The following WWOX variants were observed in gnomAD, a reference collection of about 807,000 sequenced individuals.
The protein encoded by WWOX is WW domain containing oxidoreductase.
WWOX carries 69 observed loss-of-function variants against 46.2 expected under a neutral mutation model. The ratio of observed to expected loss-of-function variants is 1.49; its 90% CI spans 1.23 to 1.82. The LOEUF (loss-of-function observed/expected upper bound fraction) is 1.82, where lower values mean the gene tolerates loss of function less well. Ranked by LOEUF, WWOX falls within the 40% of genes most tolerant of loss-of-function variation. WWOX has a pLI of 0.00. For synonymous variants in WWOX, 359 were observed against 202.6 expected (o/e 1.77, Z -6.56); for missense variants, 919 against 542.6 (o/e 1.69, Z -6.89).
At chr16:78,790,531 A>G (rs555384870) in intron 8 of WWOX, among the ~76,000 whole-genome samples, 1 of 152,310 alleles carries the variant, frequency 6.6e-6, no homozygotes, top group Non-Finnish European at 1.5e-5. Context: ...GCCAAAAGAG[A>G]CCAGTATCTA....
At chr16:79,140,577 T>C (rs140451647) in intron 8 of WWOX, among the ~76,000 whole-genome samples, 11 of 152,314 alleles carry the variant, frequency 7.2e-5, no homozygotes, top group Non-Finnish European at 1.6e-4. Flanking sequence ...TCTCTCAGCA[T>C]TGACCGCATG....
At chr16:78,418,714 A>G (rs922771797) in intron 6 of WWOX, among the ~76,000 whole-genome samples, 3 of 152,198 alleles carry the variant, frequency 2.0e-5, no homozygotes, top group Non-Finnish European at 4.4e-5. Flanking sequence ...CAATACATAC[A>G]TAAAAACATG....
At chr16:78,684,545 C>T (rs554927669) in intron 8 of WWOX, among the ~76,000 whole-genome samples, 9 of 152,234 alleles carry the variant, frequency 5.9e-5, no homozygotes, top group South Asian at 2.1e-4. Context: ...CAAGCATGCC[C>T]GCTGGCTCAG....
intron 8 of WWOX, among the ~76,000 whole-genome samples, chr16:78,845,259 C>G (rs868022213): frequency 1.3e-5 from 2 of 150,408 alleles, no homozygotes; most frequent in African/African-American, 4.9e-5. Context: ...CAAAATGAAA[C>G]TTAAGACTAC....
chr16:78,943,470 T>G (rs575188026), intron 8 of WWOX, among the ~76,000 whole-genome samples: 35 of 152,270 alleles, frequency 2.3e-4, no homozygotes, highest in African/African-American at 7.7e-4. Context: ...CCCAGGCACA[T>G]AAACTTGCAG....
intron 8 of WWOX, among the ~76,000 whole-genome samples, chr16:79,039,899 G>A (rs376300991): frequency 1.3e-5 from 2 of 152,146 alleles, no homozygotes; most frequent in African/African-American, 2.4e-5. Flanking sequence ...GGACTGATAC[G>A]CTGGGCTCCA....
At position 78,264,045 on chromosome 16, in the gene WWOX, A is replaced by G. The variant is rs1375611574; in HGVS notation, c.516+99756A>G. On this transcript the variant is annotated intron_variant, in intron 5 of 8. Coordinates refer to ENST00000566780, the MANE Select transcript of WWOX (RefSeq NM_016373.4). ...TTTTGCTGTGGAGCGCAAAATGTTC[A>G]TTTATCTCTGGATGGTTTGTTTCTG... is the stretch of plus-strand genomic sequence containing the variant. 4.8e-5 allele frequency among the ~76,000 whole-genome samples: 5 copies of G among 104,592 alleles called. No homozygotes were observed. The East Asian group carries it at 1.5e-3, about 32-fold the overall frequency. The allele number at this position is 104,592 out of a possible 152,430, so 68.6% of individuals were successfully genotyped here.
chr16:78,770,003 C>G (rs1180883374), intron 8 of WWOX, among the ~76,000 whole-genome samples: 3 of 151,906 alleles, frequency 2.0e-5, no homozygotes, highest in South Asian at 2.1e-4. Flanking sequence ...ATGATCTCAC[C>G]TCTGTACTAC....
At chr16:78,829,197 C>A (rs2051745544) in intron 8 of WWOX, among the ~76,000 whole-genome samples, 1 of 152,238 alleles carries the variant, frequency 6.6e-6, no homozygotes, top group South Asian at 2.1e-4. Flanking sequence ...TTTTTAGGAA[C>A]TGGCGAATTG....
intron 8 of WWOX, among the ~76,000 whole-genome samples, chr16:78,602,036 T>C (rs1224901793): frequency 6.6e-6 from 1 of 152,232 alleles, no homozygotes; most frequent in East Asian, 1.9e-4. Context: ...TGAAATATCT[T>C]ATTAAAATGC....
At chr16:78,997,607 CAAGAAA>C (rs1429758594) in intron 8 of WWOX, among the ~76,000 whole-genome samples, 1 of 152,126 alleles carries the variant, frequency 6.6e-6, no homozygotes, top group Non-Finnish European at 1.5e-5. Context: ...CTGATCATGC[CAAGAAA>C]CCTAATGTAT....
intron 5 of WWOX, among the ~76,000 whole-genome samples, chr16:78,284,104 G>A (rs1262111038): frequency 1.3e-5 from 2 of 152,176 alleles, no homozygotes; most frequent in African/African-American, 2.4e-5. Flanking sequence ...TGTAGGAGGG[G>A]TTTAGAGATC....
chr16:78,745,955 A>T (rs769280059), intron 8 of WWOX, among the ~76,000 whole-genome samples: 3 of 152,104 alleles, frequency 2.0e-5, no homozygotes, highest in Non-Finnish European at 4.4e-5. Flanking sequence ...CCCTGACTCC[A>T]GCTGCTATGA....
chr16:78,585,844 A>T (rs181888239), intron 8 of WWOX, among the ~76,000 whole-genome samples: 10 of 150,470 alleles, frequency 6.6e-5, no homozygotes, highest in Admixed American at 5.3e-4. Flanking sequence ...ATTAGAACTC[A>T]CCTTCTGGAA....
At chr16:78,324,095 G>C (rs1400751911) in intron 5 of WWOX, among the ~76,000 whole-genome samples, 3 of 152,090 alleles carry the variant, frequency 2.0e-5, no homozygotes, top group African/African-American at 7.2e-5. Context: ...CAGTAAGCTT[G>C]AAGTGGCAAG....
chr16:78,329,071 G>A (rs1006667800), intron 5 of WWOX, among the ~76,000 whole-genome samples: 13 of 152,228 alleles, frequency 8.5e-5, no homozygotes, highest in Admixed American at 8.5e-4. Flanking sequence ...ATGTTCGCCA[G>A]GCTGGTCTTG....
intron 8 of WWOX, among the ~76,000 whole-genome samples, chr16:78,959,697 A>AC (rs1012984044): frequency 3.3e-5 from 5 of 152,024 alleles, no homozygotes; most frequent in African/African-American, 9.6e-5. Context: ...CACTGATGAG[A>AC]CCCCCCTGCA....
intron 7 of WWOX, among the ~76,000 whole-genome samples, chr16:78,431,427 C>T (rs934804053): frequency 1.3e-5 from 2 of 152,098 alleles, no homozygotes; most frequent in Non-Finnish European, 2.9e-5. Context: ...TTCTTGGATG[C>T]TCAAATGAAA....
chr16:79,163,260 A>G (rs1389184065), intron 8 of WWOX, among the ~76,000 whole-genome samples: 3 of 152,158 alleles, frequency 2.0e-5, no homozygotes, highest in Non-Finnish European at 4.4e-5. Context: ...AGAAAGAGAA[A>G]AGAAATAAAC....
Sources: allele counts gnomAD v4.1 joint callset (sites outside exome capture counted in the v4.1 genomes callset), GRCh38; gene constraint gnomAD v4.1.1; transcripts MANE v1.5; gene names NCBI Gene and HGNC (gene_info 2026-07-23, HGNC 2026-07-21).